CTNNA3: variants seen among roughly 807,000 people sequenced by gnomAD.
CTNNA3 encodes catenin alpha 3, also known as catenin alpha-3.
A neutral mutation model predicts 95.7 loss-of-function variants in CTNNA3; 76 were observed. The ratio of observed to expected loss-of-function variants is 0.79; its 90% CI spans 0.66 to 0.96. The LOEUF is 0.96. Ranked by LOEUF, CTNNA3 falls within the 40% of genes least tolerant of loss-of-function variation. The pLI is 0.00. For synonymous variants in CTNNA3, 431 were observed against 374.4 expected, an observed-to-expected ratio of 1.15 and a Z score of -1.74; for missense variants, 1,191 against 1,089.8, an observed-to-expected ratio of 1.09 and a Z score of -1.31.
At chr10:66,063,317 T>TA (rs35872415) in intron 15 of CTNNA3, among the ~76,000 whole-genome samples, 4 of 112,282 alleles carry the variant, frequency 3.6e-5, no homozygotes, top group Admixed American at 2.8e-4. Flanking sequence ...TATATATATA[T>TA]ATAATATATA....
intron 9 of CTNNA3, among the ~76,000 whole-genome samples, chr10:66,696,573 G>A (rs937978924): frequency 1.3e-5 from 2 of 152,086 alleles, no homozygotes; most frequent in Admixed American, 6.6e-5. Context: ...TCTAGGCAAA[G>A]TAAATAGTTA....
chr10:66,271,711 A>C (rs562087586), intron 13 of CTNNA3, among the ~76,000 whole-genome samples: 116 of 152,196 alleles, frequency 7.6e-4, no homozygotes, highest in South Asian at 3.5e-3. Context: ...ACTTGTGTAG[A>C]GCTCTCTGAG....
chr10:67,358,906 ACC>A (rs1477674054), intron 5 of CTNNA3, among the ~76,000 whole-genome samples: 1 of 151,882 alleles, frequency 6.6e-6, no homozygotes, highest in Non-Finnish European at 1.5e-5. Flanking sequence ...ACTTGCACCC[ACC>A]CCCTCGTCTT....
rs927809658 is a variant in CTNNA3, at chr10:67,494,541, G to A, written c.579+27301C>T. 5.9e-5 allele frequency among the ~76,000 whole-genome samples: 9 copies of A among 152,216 alleles called. No homozygotes were observed. The South Asian group carries it at 1.9e-3, about 32-fold the overall frequency. On this transcript the variant is annotated intron_variant, in intron 5 of 17. Transcript: ENST00000433211. ...GCACCTTTCTTTACACAATAAATAT[G>A]TTCCTGAGGAGCTTTTTAAATTTTG...
chr10:66,358,038 C>G (rs115778009), intron 12 of CTNNA3, among the ~76,000 whole-genome samples: 4 of 152,194 alleles, frequency 2.6e-5, no homozygotes, highest in African/African-American at 9.6e-5. Context: ...TGTGCATAGA[C>G]GTGTTTGTAG....
At chr10:65,969,433 T>G (rs551853280) in intron 16 of CTNNA3, among the ~76,000 whole-genome samples, 1 of 152,042 alleles carries the variant, frequency 6.6e-6, no homozygotes, top group Non-Finnish European at 1.5e-5. Flanking sequence ...CCCAGCAAAG[T>G]GGAAACTTGG....
chr10:67,190,028 C>T (rs56408265), intron 6 of CTNNA3, among the ~76,000 whole-genome samples: 2,224 of 152,234 alleles, frequency 0.015, 24 homozygotes, highest in Non-Finnish European at 0.019. Context: ...ATGTAGTTTA[C>T]GTAGGCATTG....
intron 7 of CTNNA3, among the ~76,000 whole-genome samples, chr10:66,860,327 A>G (rs868435710): frequency 1.1e-4 from 17 of 152,158 alleles, no homozygotes; most frequent in South Asian, 2.1e-4. Flanking sequence ...AAGAAGAAAA[A>G]TTACTTGCTT....
intron 1 of CTNNA3, among the ~76,000 whole-genome samples, chr10:67,745,517 G>C (rs189183219): frequency 2.8e-5 from 4 of 143,176 alleles, no homozygotes; most frequent in Non-Finnish European, 3.1e-5. Flanking sequence ...TGTGGGGTGG[G>C]GGGGAGGGGG....
At chr10:67,744,882 T>C (rs570297759) in intron 1 of CTNNA3, among the ~76,000 whole-genome samples, 2,443 of 152,130 alleles carry the variant, frequency 0.016, 61 homozygotes, top group African/African-American at 0.055. Context: ...AGAAGACATT[T>C]ATGCAGCCAA....
intron 15 of CTNNA3, among the ~76,000 whole-genome samples, chr10:66,066,671 T>A (rs2080319446): frequency 6.6e-6 from 1 of 152,154 alleles, no homozygotes; most frequent in Admixed American, 6.6e-5. Flanking sequence ...ACACAATAAA[T>A]TTAATTTTCT....
At chr10:66,333,780 T>A (rs2040706816) in intron 12 of CTNNA3, among the ~76,000 whole-genome samples, 1 of 151,428 alleles carries the variant, frequency 6.6e-6, no homozygotes, top group African/African-American at 2.4e-5. Flanking sequence ...TTCCTGGATA[T>A]CCTTGTTAAC....
intron 5 of CTNNA3, among the ~76,000 whole-genome samples, chr10:67,253,675 A>G (rs1370101653): frequency 6.6e-6 from 1 of 152,212 alleles, no homozygotes. Context: ...GTAACCGGCA[A>G]TGCCAATACC....
At chr10:66,715,387 C>T (rs757046779) in intron 9 of CTNNA3, among the ~76,000 whole-genome samples, 4 of 152,010 alleles carry the variant, frequency 2.6e-5, no homozygotes, top group Non-Finnish European at 4.4e-5. Context: ...GATGTTAATG[C>T]CCCCTCCTAG....
chr10:66,322,836 T>G (rs72801020), intron 12 of CTNNA3, among the ~76,000 whole-genome samples: 8,467 of 152,054 alleles, frequency 0.056, 331 homozygotes, highest in Middle Eastern at 0.082. Context: ...TTTCACTAGA[T>G]ACACCGCTCC....
At chr10:66,211,400 C>A (rs968373) in intron 13 of CTNNA3, among the ~76,000 whole-genome samples, 36,416 of 151,986 alleles carry the variant, frequency 0.24, 7,468 homozygotes, top group African/African-American at 0.56. Context: ...AGAGAGAGCT[C>A]TGCTGTGAGT....
chr10:66,734,740 G>T (rs1428243404), intron 9 of CTNNA3, among the ~76,000 whole-genome samples: 5 of 151,968 alleles, frequency 3.3e-5, no homozygotes, highest in Non-Finnish European at 7.4e-5. Flanking sequence ...GCAGGCGCCT[G>T]TAATTCCAGC....
rs376118953 is a variant in CTNNA3 at position 67,495,152 on chromosome 10, A to G, written c.579+26690T>C. ...GAATACAAAAGTCAAAGTACATGAT[A>G]AAGTGCTGTACCCACACACACCGCC... On this transcript the variant is annotated intron_variant, in intron 5 of 17. Coordinates refer to ENST00000433211, the MANE Select transcript of CTNNA3 (RefSeq NM_013266.4). Among the ~76,000 whole-genome samples, 36 of 152,270 alleles carry G rather than the reference A, an allele frequency of 2.4e-4. No homozygotes were observed. The East Asian group carries it at 5.8e-3, about 24-fold the overall frequency.
chr10:66,434,028 C>T (rs1200528893), intron 11 of CTNNA3, among the ~76,000 whole-genome samples: 1 of 152,134 alleles, frequency 6.6e-6, no homozygotes, highest in Non-Finnish European at 1.5e-5. Context: ...CAGTATCATG[C>T]TGTTTTTGTT....
Sources: gnomAD v4.1 joint callset for allele counts (sites outside exome capture counted in the v4.1 genomes callset) on GRCh38, gnomAD v4.1.1 for gene constraint, MANE v1.5 for transcripts, NCBI Gene and HGNC (gene_info 2026-07-23, HGNC 2026-07-21) for gene names.